The following CYTH3 variants were observed in gnomAD, a reference collection of about 807,000 sequenced individuals.
The protein encoded by CYTH3 is cytohesin-3.
CYTH3 carries 23 observed loss-of-function variants against 55.1 expected under a neutral mutation model. The ratio of observed to expected loss-of-function variants is 0.42; its 90% CI spans 0.30 to 0.59. The LOEUF (loss-of-function observed/expected upper bound fraction) is 0.59. Among genes scored for constraint, CYTH3 ranks in the 20% least tolerant of loss-of-function variants. The pLI, the probability that CYTH3 is intolerant of heterozygous loss-of-function variation, is 0.20. For missense variants in CYTH3, 413 were observed against 524.8 expected, an observed-to-expected ratio of 0.79 and a Z score of 2.08; for synonymous variants, 249 against 194.9, an observed-to-expected ratio of 1.28 and a Z score of -2.31.
chr7:6,233,509 A>G (rs887243323), intron 1 of CYTH3, among the ~76,000 whole-genome samples: 1 of 152,132 alleles, frequency 6.6e-6, no homozygotes, highest in African/African-American at 2.4e-5. Context: ...ACAAAAAATT[A>G]GCTGGGCGTG....
Position 6,170,836 on chromosome 7 carries a change from C to G in CYTH3, c.705G>C (p.Leu235=). 1 of 1,611,194 alleles carries G rather than the reference C, an allele frequency of 6.2e-7. No individual in the cohort carries two copies. The highest frequency in any genetic ancestry group is 1.1e-5 in the South Asian group (1 of 90,856). The change falls in exon 8 of 13, where the codon CTG becomes CTC. Residue 235 remains leucine, a synonymous_variant. Coordinates refer to ENST00000350796, the MANE Select transcript of CYTH3 (RefSeq NM_004227.4). This position sits in a 1 kb window ranked among gnomAD's most constrained non-coding sequence, Gnocchi z 7.8. ...INEGGDLPEE[L]LRNLYESIKN... ...CGCGGGCCGGGGAGCTCACCCTCAG[C>G]AGCTCCTCAGGGAGGTCCCCGCCCT...
At position 6,165,034 on chromosome 7, in the gene CYTH3, A is replaced by G; in HGVS notation, c.1128-18T>C. ...TACTGGCTCTGGTGAAAAAAGGAAA[A>G]CACACAGGTTAGGTCGTGGGTGACA... is the stretch of plus-strand genomic sequence containing the variant. On this transcript the variant is annotated intron_variant, in intron 12 of 12. Transcript: ENST00000350796. 1 of 1,614,078 alleles carries G rather than the reference A, an allele frequency of 6.2e-7. No homozygotes were observed. Among genetic ancestry groups the G allele is most frequent in the Non-Finnish European group, 8.5e-7 (1 of 1,179,986 alleles).
intron 1 of CYTH3, among the ~76,000 whole-genome samples, chr7:6,196,070 A>G (rs1214204768): frequency 6.6e-6 from 1 of 152,174 alleles, no homozygotes; most frequent in Non-Finnish European, 1.5e-5. Context: ...GGCTTCCCCC[A>G]GCAACTGAAA....
chr7:6,210,997 A>G (rs1784308056), intron 1 of CYTH3, among the ~76,000 whole-genome samples: 1 of 152,240 alleles, frequency 6.6e-6, no homozygotes, highest in African/African-American at 2.4e-5. Context: ...TTTCCAAGTG[A>G]AGTTTTGGCA....
rs1295839357 is a variant in CYTH3 at position 6,161,916 on chromosome 7, T to TATA, written c.*3025_*3027dup. 1 of 152,596 alleles carries TATA rather than the reference T, an allele frequency of 6.6e-6. No individual in the cohort carries two copies. Among genetic ancestry groups the TATA allele is most frequent in the Non-Finnish European group, 1.5e-5 (1 of 68,024 alleles). The allele number at this position is 152,596 out of a possible 1,614,324, so 9.5% of individuals were successfully genotyped here. A position where few individuals can be genotyped will look rare whatever the true frequency, so the allele number is the denominator to read the frequency against. ...TTCCTTCATGCGAGCTGTGGGAGTA[T>TATA]ATACATCATTGAATAACAGACACTC... On this transcript the variant is annotated 3_prime_UTR_variant, in exon 13 of 13. Transcript: ENST00000350796.
intron 1 of CYTH3, among the ~76,000 whole-genome samples, chr7:6,216,490 G>A (rs1178835609): frequency 6.6e-6 from 1 of 152,008 alleles, no homozygotes; most frequent in Non-Finnish European, 1.5e-5. Flanking sequence ...TGTAATGCTA[G>A]CACTTTGGGA....
intron 1 of CYTH3, among the ~76,000 whole-genome samples, chr7:6,207,324 G>T (rs946519480): frequency 6.6e-6 from 1 of 152,060 alleles, no homozygotes. Flanking sequence ...TCTATCTCCT[G>T]ACCTCGTGAT....
intron 1 of CYTH3, among the ~76,000 whole-genome samples, chr7:6,263,370 A>G (rs1780403543): frequency 6.6e-6 from 1 of 152,186 alleles, no homozygotes; most frequent in Non-Finnish European, 1.5e-5. Context: ...TTAAAACTGA[A>G]GCATGCCTAT....
chr7:6,168,219 ATTTT>A (rs750700961), intron 9 of CYTH3, among the ~76,000 whole-genome samples: 6 of 121,620 alleles, frequency 4.9e-5, no homozygotes, highest in South Asian at 2.6e-4. Flanking sequence ...ACCTCCTAGG[ATTTT>A]TTTTTTTTTT....
At chr7:6,254,493 G>C (rs997178409) in intron 1 of CYTH3, among the ~76,000 whole-genome samples, 1 of 152,202 alleles carries the variant, frequency 6.6e-6, no homozygotes, top group Non-Finnish European at 1.5e-5. Flanking sequence ...CTGTCGTCTA[G>C]GCTGGAGTGC....
At chr7:6,195,156 T>G (rs917149756) in intron 1 of CYTH3, among the ~76,000 whole-genome samples, 2 of 152,058 alleles carry the variant, frequency 1.3e-5, no homozygotes, top group African/African-American at 4.8e-5. Context: ...AGAACAAATT[T>G]ATTAATATTT....
At position 6,190,569 on chromosome 7, in the gene CYTH3, C is replaced by T. The variant is rs547536255; in HGVS notation, c.35-38G>A. The T allele has an allele frequency of 7.5e-6, 11 of 1,468,042 alleles. 1 individual carries two copies. The Admixed American group carries it at 8.2e-5, about 11-fold the overall frequency. 90.9% of individuals were successfully genotyped at this position (1,468,042 alleles called of 1,614,324 possible). A position where few individuals can be genotyped will look rare whatever the true frequency, so the allele number is the denominator to read the frequency against. On this transcript the variant is annotated intron_variant, in intron 1 of 12. Transcript: ENST00000350796. Reference sequence around the variant, plus strand: ...AAAAATAATTAACTACTTTGGAGAACACATTGGCAACATCCAGCAAGGTTG... The same window carrying T: ...AAAAATAATTAACTACTTTGGAGAATACATTGGCAACATCCAGCAAGGTTG...
At chr7:6,262,716 A>C (rs1042919657) in intron 1 of CYTH3, among the ~76,000 whole-genome samples, 1 of 152,168 alleles carries the variant, frequency 6.6e-6, no homozygotes, top group African/African-American at 2.4e-5. Flanking sequence ...GCAATAAATT[A>C]ACTTGAAAGC....
intron 1 of CYTH3, among the ~76,000 whole-genome samples, chr7:6,234,413 A>G: frequency 6.6e-6 from 1 of 152,212 alleles, no homozygotes; most frequent in South Asian, 2.1e-4. Context: ...CTATTGGAGG[A>G]AAAGGAGAGG....
rs1290692969 is a variant in CYTH3 at position 6,170,386 on chromosome 7, C to G, written c.823+149G>C. The G allele has an allele frequency of 1.8e-5, 13 of 719,432 alleles. No homozygotes were observed. Among genetic ancestry groups the G allele is most frequent in the Non-Finnish European group, 2.9e-5 (13 of 447,016 alleles). The allele number at this position is 719,432 out of a possible 1,614,324, so 44.6% of individuals were successfully genotyped here. On this transcript the variant is annotated intron_variant, in intron 9 of 12. Transcript: ENST00000350796. The surrounding 1 kb of genome is among the most constrained non-coding windows in gnomAD (Gnocchi z 7.8). Reference sequence around the variant, plus strand: ...AGAAGCAGCCGTGGCCATGCAGCTACCGAGAGCGGGCTCTGGCTTAACCGC... The same window carrying G: ...AGAAGCAGCCGTGGCCATGCAGCTAGCGAGAGCGGGCTCTGGCTTAACCGC...
chr7:6,195,283 T>C (rs1389851123), intron 1 of CYTH3, among the ~76,000 whole-genome samples: 1 of 152,194 alleles, frequency 6.6e-6, no homozygotes, highest in East Asian at 1.9e-4. Flanking sequence ...AAAAAAATTT[T>C]GCAAAAAGAC....
intron 1 of CYTH3, among the ~76,000 whole-genome samples, chr7:6,193,607 T>C (rs1304964936): frequency 6.6e-6 from 1 of 152,068 alleles, no homozygotes; most frequent in Non-Finnish European, 1.5e-5. Flanking sequence ...CGTGAGAGAA[T>C]CCCCACAAGG....
At chr7:6,235,504 T>C (rs1779497710) in intron 1 of CYTH3, among the ~76,000 whole-genome samples, 1 of 150,962 alleles carries the variant, frequency 6.6e-6, no homozygotes, top group Non-Finnish European at 1.5e-5. Context: ...GCTTAGTGCT[T>C]GCTAGATCAT....
Position 6,190,503 on chromosome 7 carries a change from T to G in CYTH3, c.63A>C (p.Arg21Ser). The stretch of plus-strand genomic sequence containing the variant: ...TTCGACGAATGTCTAGAAGTTCTTC[T>G]CTCTCTTCTAATGAGAGGTCTTCAG... ...GVPEDLSLEE[R>S]EELLDIRRRK... Residue 21 changes from arginine (R) to serine (S), a missense_variant, in exon 2 of 13, where the codon AGA becomes AGC. Transcript: ENST00000350796. 1 of 1,526,700 alleles carries G rather than the reference T, an allele frequency of 6.6e-7. No individual in the cohort carries two copies. The highest frequency in any genetic ancestry group is 8.7e-7 in the Non-Finnish European group (1 of 1,143,660). 94.6% of individuals were successfully genotyped at this position (1,526,700 alleles called of 1,614,324 possible).
Sources: allele counts gnomAD v4.1 joint callset (sites outside exome capture counted in the v4.1 genomes callset), GRCh38; gene constraint gnomAD v4.1.1; non-coding constraint Gnocchi (gnomAD v3.1); transcripts MANE v1.5; gene names NCBI Gene and HGNC (gene_info 2026-07-23, HGNC 2026-07-21).